Variants in WDR20 observed in about 807,000 individuals in gnomAD.
WDR20 encodes the protein WD repeat domain 20, also known as WD repeat-containing protein 20.
A neutral mutation model predicts 38.7 loss-of-function variants in WDR20; 3 were observed. That is an observed-to-expected ratio of 0.08 (90% CI 0.04 to 0.20). WDR20 has a LOEUF of 0.20. WDR20 is among the 10% of genes least tolerant of loss of function. The pLI, the probability that WDR20 is intolerant of heterozygous loss-of-function variation, is 1.00. For missense variants in WDR20, 559 were observed against 727.7 expected, an observed-to-expected ratio of 0.77 and a Z score of 2.67; for synonymous variants, 298 against 285.6, an observed-to-expected ratio of 1.04 and a Z score of -0.44.
chr14:102,189,134 C>T lies in WDR20; in HGVS notation c.250-5804C>T, dbSNP rs148244827. ...CTGAGGCAGGAGAATCACTTGAACC[C>T]GGGAGGCAGAGGTCGCAGTGAGCCC... On this transcript the variant is annotated intron_variant, in intron 1 of 2. Transcript: ENST00000342702. Among the ~76,000 whole-genome samples, 619 of 151,928 alleles carry T rather than the reference C, an allele frequency of 4.1e-3. 5 individuals are homozygous for T. The East Asian group carries it at 0.044, about 11-fold the overall frequency.
intron 1 of WDR20, among the ~76,000 whole-genome samples, chr14:102,192,878 G>A (rs1392908533): frequency 6.6e-6 from 1 of 152,010 alleles, no homozygotes; most frequent in Non-Finnish European, 1.5e-5. Context: ...TGCAATCCTA[G>A]TTAACTGTCA....
intron 2 of WDR20, among the ~76,000 whole-genome samples, chr14:102,195,533 T>G (rs1279399864): frequency 6.6e-6 from 1 of 152,256 alleles, no homozygotes; most frequent in African/African-American, 2.4e-5. Flanking sequence ...AGCTTTTGTA[T>G]GTATGTTTGA....
At chr14:102,175,429 A>G (rs189530242) in intron 1 of WDR20, among the ~76,000 whole-genome samples, 1 of 152,256 alleles carries the variant, frequency 6.6e-6, no homozygotes, top group East Asian at 1.9e-4. Flanking sequence ...TTATACCAGT[A>G]CTATGCTGTT....
At chr14:102,184,353 C>A (rs1452218579) in intron 1 of WDR20, among the ~76,000 whole-genome samples, 2 of 152,096 alleles carry the variant, frequency 1.3e-5, no homozygotes, top group Non-Finnish European at 2.9e-5. Context: ...TTTTTAAGTT[C>A]ATCTTTAAGA....
intron 1 of WDR20, among the ~76,000 whole-genome samples, chr14:102,187,326 A>G (rs1172451010): frequency 6.6e-6 from 1 of 152,218 alleles, no homozygotes; most frequent in African/African-American, 2.4e-5. Context: ...TATATGGAAC[A>G]TAGTTAACAT....
intron 1 of WDR20, among the ~76,000 whole-genome samples, chr14:102,171,980 A>G (rs1050021788): frequency 6.7e-6 from 1 of 148,794 alleles, no homozygotes; most frequent in African/African-American, 2.5e-5. Flanking sequence ...TGGCAGGGTC[A>G]TATGTGGAGG....
At chr14:102,179,315 A>G (rs575591128) in intron 1 of WDR20, among the ~76,000 whole-genome samples, 1 of 152,150 alleles carries the variant, frequency 6.6e-6, no homozygotes. Flanking sequence ...TTTCACAGGT[A>G]GAGCCATCAT....
chr14:102,194,693 A>T (rs1010913059), intron 1 of WDR20, among the ~76,000 whole-genome samples: 1 of 152,256 alleles, frequency 6.6e-6, no homozygotes, highest in African/African-American at 2.4e-5. Context: ...ATATATTTGA[A>T]GGAGAATAAG....
At chr14:102,202,352 G>A (rs2060561486) in intron 2 of WDR20, among the ~76,000 whole-genome samples, 1 of 133,066 alleles carries the variant, frequency 7.5e-6, no homozygotes, top group Non-Finnish European at 1.6e-5. Context: ...CCTTGTTTTT[G>A]TCCTGTGCCC....
intron 1 of WDR20, among the ~76,000 whole-genome samples, chr14:102,164,114 C>T (rs2152791116): frequency 6.6e-6 from 1 of 151,864 alleles, no homozygotes; most frequent in South Asian, 2.1e-4. Context: ...CTTCACAGAA[C>T]CCTGACTGAT....
Position 102,179,499 on chromosome 14 carries a change from T to A in WDR20, c.250-15439T>A, listed in dbSNP as rs142047703. On this transcript the variant is annotated intron_variant, in intron 1 of 2. Transcript: ENST00000342702. ...GGTCTCACTATGTTGCCCAGGCTGG[T>A]CTTGAACTCCTGGCCCCAAGCAGTC... Among the ~76,000 whole-genome samples, 25 of 149,966 alleles carry A rather than the reference T, an allele frequency of 1.7e-4. No homozygotes were observed. The East Asian group carries it at 4.9e-3, about 29-fold the overall frequency.
intron 1 of WDR20, among the ~76,000 whole-genome samples, chr14:102,166,820 C>T (rs915796207): frequency 6.6e-6 from 1 of 152,184 alleles, no homozygotes; most frequent in Non-Finnish European, 1.5e-5. Context: ...TTCACTCTAT[C>T]ACTAATTCCT....
At chr14:102,168,893 T>C (rs969470463) in intron 1 of WDR20, among the ~76,000 whole-genome samples, 12 of 152,336 alleles carry the variant, frequency 7.9e-5, no homozygotes, top group Middle Eastern at 3.4e-3. Context: ...TGCCCACCTC[T>C]ATCCTTGCCT....
chr14:102,203,969 G>T (rs2061010733), intron 2 of WDR20, among the ~76,000 whole-genome samples: 1 of 152,132 alleles, frequency 6.6e-6, no homozygotes, highest in Non-Finnish European at 1.5e-5. Flanking sequence ...AATGTGTTCT[G>T]TTCTCTTCCT....
intron 1 of WDR20, among the ~76,000 whole-genome samples, chr14:102,177,587 C>A (rs1003992483): frequency 6.6e-6 from 1 of 152,160 alleles, no homozygotes; most frequent in Non-Finnish European, 1.5e-5. Flanking sequence ...AGTCGACTCA[C>A]AAGGAGTCAG....
chr14:102,145,035 A>G (rs1367384775), intron 1 of WDR20, among the ~76,000 whole-genome samples: 1 of 152,140 alleles, frequency 6.6e-6, no homozygotes, highest in Non-Finnish European at 1.5e-5. Flanking sequence ...TGAATTTGTA[A>G]TTCTGTGTGA....
At chr14:102,186,338 G>A (rs966248290) in intron 1 of WDR20, among the ~76,000 whole-genome samples, 4 of 152,164 alleles carry the variant, frequency 2.6e-5, no homozygotes, top group Admixed American at 1.3e-4. Context: ...TTACTTGAGC[G>A]TTAAACTGTT....
chr14:102,210,492 A>G lies in WDR20; in HGVS notation c.*612A>G, dbSNP rs149933556. ...AACCCATTTTAGTCATTTTATGACA[A>G]TTAAAGTTGTTTAATAAACATCTTT... On this transcript the variant is annotated 3_prime_UTR_variant, in exon 3 of 3. Coordinates refer to ENST00000342702, the MANE Select transcript of WDR20 (RefSeq NM_144574.4). The G allele has an allele frequency of 1.0e-6, 1 of 985,422 alleles. No homozygotes were observed. Among genetic ancestry groups the G allele is most frequent in the East Asian group, 1.1e-4 (1 of 8,826 alleles). 61.0% of individuals were successfully genotyped at this position (985,422 alleles called of 1,614,324 possible). A position where few individuals can be genotyped will look rare whatever the true frequency, so the allele number is the denominator to read the frequency against.
At chr14:102,182,703 A>T (rs1400385762) in intron 1 of WDR20, among the ~76,000 whole-genome samples, 1 of 151,882 alleles carries the variant, frequency 6.6e-6, no homozygotes, top group Non-Finnish European at 1.5e-5. Flanking sequence ...TCTATTAAAA[A>T]ATTATATATA....
Sources: gnomAD v4.1 joint callset for allele counts (sites outside exome capture counted in the v4.1 genomes callset) on GRCh38, gnomAD v4.1.1 for gene constraint, MANE v1.5 for transcripts, NCBI Gene and HGNC (gene_info 2026-07-23, HGNC 2026-07-21) for gene names.